The following ATP13A3 variants were observed in gnomAD, a reference collection of about 807,000 sequenced individuals.
ATP13A3 encodes ATPase 13A3, also known as polyamine-transporting ATPase 13A3.
Under a neutral mutation model 158.1 loss-of-function variants are expected in ATP13A3, and 59 were observed. That is an observed-to-expected ratio of 0.37 (90% CI 0.30 to 0.46). The LOEUF is 0.46. ATP13A3 is among the 20% of genes least tolerant of loss of function. The pLI, the probability that ATP13A3 is intolerant of heterozygous loss-of-function variation, is 1.00. For synonymous variants in ATP13A3, 491 were observed against 504.3 expected (o/e 0.97, Z 0.35); for missense variants, 1,166 against 1,525.2 (o/e 0.76, Z 3.92).
At chr3:194,417,954 C>CGGAAGGAAGGAAGGAAGGAAGGAA (rs1491273681) in intron 31 of ATP13A3, among the ~76,000 whole-genome samples, 120 of 77,922 alleles carry the variant, frequency 1.5e-3, no homozygotes, top group African/African-American at 7.7e-3. Flanking sequence ...GACAGACGGA[C>CGGAAGGAAGGAAGGAAGGAAGGAA]GGACGGAAGG....
At chr3:194,450,333 T>C in intron 10 of ATP13A3, 57 bp from the exon 11 acceptor site, 1 of 1,515,102 alleles carries the variant, frequency 6.6e-7, no homozygotes, top group Non-Finnish European at 9.1e-7. Flanking sequence ...CTTGGAAAAA[T>C]ACAGCAAATG....
chr3:194,429,565 C>A, intron 27 of ATP13A3, 113 bp downstream of exon 27: 1 of 659,588 alleles, frequency 1.5e-6, no homozygotes, highest in South Asian at 2.9e-5. Context: ...TTTATAGGTA[C>A]TACTCACAGA....
chr3:194,459,591 A>T, intron 5 of ATP13A3, 50 bp from the exon 6 acceptor site: 2 of 1,441,026 alleles, frequency 1.4e-6, no homozygotes, highest in Non-Finnish European at 1.9e-6. Flanking sequence ...ATCACTTGTG[A>T]TATGTAATCT....
In ATP13A3 at chr3:194,468,494, T is replaced by A. The variant is rs188366999; in HGVS notation, c.-46-6258A>T. ...TGAAAGTTTACTTATTTTTTCACAT[T>A]ATGTAATTACTACAAACAATTAAAG... On this transcript the variant is annotated intron_variant, in intron 2 of 33. Coordinates refer to ENST00000645319, the MANE Select transcript of ATP13A3 (RefSeq NM_001367549.1). Among the ~76,000 whole-genome samples the A allele has an allele frequency of 7.2e-5, 11 of 152,292 alleles. No homozygotes were observed. In the East Asian group the frequency reaches 2.1e-3, roughly 29 times the overall value.
chr3:194,451,149 A>G (rs1718778351), intron 10 of ATP13A3: 1 of 152,178 alleles, frequency 6.6e-6, no homozygotes, highest in Non-Finnish European at 1.5e-5. Context: ...TGTAAGACAA[A>G]CACTCTTTCT....
intron 2 of ATP13A3, among the ~76,000 whole-genome samples, chr3:194,481,981 A>G (rs1235275751): frequency 1.3e-5 from 2 of 152,228 alleles, no homozygotes; most frequent in Non-Finnish European, 2.9e-5. Context: ...AGGTTCCAAT[A>G]TGACCCTGTG....
intron 8 of ATP13A3, among the ~76,000 whole-genome samples, chr3:194,455,686 T>C (rs964488059): frequency 1.3e-5 from 2 of 152,182 alleles, no homozygotes; most frequent in African/African-American, 4.8e-5. Flanking sequence ...CAACAGGTAA[T>C]AAAAGCAAAA....
intron 30 of ATP13A3, among the ~76,000 whole-genome samples, chr3:194,422,609 G>C (rs893735212): frequency 2.0e-5 from 3 of 152,076 alleles, no homozygotes; most frequent in Non-Finnish European, 4.4e-5. Context: ...AAGTTATTAT[G>C]AAATATTTTT....
intron 30 of ATP13A3, among the ~76,000 whole-genome samples, chr3:194,421,126 A>AGTTTATATATATATAC (rs376603688): frequency 1.6e-5 from 1 of 60,760 alleles, no homozygotes; most frequent in Non-Finnish European, 2.5e-5. Context: ...ATATATATAT[A>AGTTTATATATATATAC]TATATATATA....
chr3:194,432,928 G>GA (rs549690914), intron 21 of ATP13A3, among the ~76,000 whole-genome samples: 7 of 146,990 alleles, frequency 4.8e-5, no homozygotes, highest in South Asian at 2.1e-4. Context: ...AGATGTACTA[G>GA]AAAAAAAAAA....
In ATP13A3 at chr3:194,448,164, G is replaced by A. The variant is rs573992189; in HGVS notation, c.1151-155C>T. ...GTGATCTCGACTCACTGCAAGCTCC[G>A]CCTCCTGGGTTCACGCCATTCTCCT... On this transcript the variant is annotated intron_variant, in intron 12 of 33. Coordinates refer to ENST00000645319, the MANE Select transcript of ATP13A3 (RefSeq NM_001367549.1). This position sits in a 1 kb window ranked among gnomAD's most constrained non-coding sequence, Gnocchi z 4.0. 6.0e-5 allele frequency among the ~76,000 whole-genome samples: 9 copies of A among 151,002 alleles called. No homozygotes were observed. Among genetic ancestry groups the A allele is most frequent in the South Asian group, 2.1e-4 (1 of 4,760 alleles).
At chr3:194,411,394 A>G (rs1280840560) in intron 33 of ATP13A3, among the ~76,000 whole-genome samples, 3 of 152,210 alleles carry the variant, frequency 2.0e-5, no homozygotes. Flanking sequence ...TAAGGCAATG[A>G]AGGGGTGAGA....
intron 6 of ATP13A3, among the ~76,000 whole-genome samples, chr3:194,458,544 C>G (rs1417651222): frequency 2.6e-5 from 4 of 152,066 alleles, no homozygotes; most frequent in African/African-American, 4.8e-5. Flanking sequence ...CATCCATCAC[C>G]AGGCTAATTT....
At chr3:194,428,172 G>T (rs1175070510) in intron 28 of ATP13A3, among the ~76,000 whole-genome samples, 2 of 145,398 alleles carry the variant, frequency 1.4e-5, no homozygotes, top group East Asian at 4.0e-4. Context: ...AGTGAGCTGA[G>T]ATCGTGCCAC....
intron 9 of ATP13A3, 102 bp downstream of exon 9, chr3:194,454,156 T>C: frequency 3.5e-6 from 4 of 1,155,508 alleles, no homozygotes; most frequent in Non-Finnish European, 4.9e-6. Context: ...AAATAATGAC[T>C]GCATTGAGAA....
Position 194,413,851 on chromosome 3 carries a change from A to T in ATP13A3, c.3403-12T>A. ...GGTACACACACTATCTGTAATGCAA[A>T]AACATTTTAAAGTTAAAATTGTTGT... On this transcript the variant is annotated splice_polypyrimidine_tract_variant and intron_variant, in intron 31 of 33. Transcript: ENST00000645319. The T allele has an allele frequency of 6.2e-7, 1 of 1,606,164 alleles. No homozygotes were observed.
Position 194,447,147 on chromosome 3 carries a change from C to T in ATP13A3, c.1309-32G>A, listed in dbSNP as rs564207400. On this transcript the variant is annotated intron_variant, in intron 13 of 33. Transcript: ENST00000645319. ...TTAACACAAAAATAAATGTCAAATCCCCAGTATTATTTACGGATTTAATAT... is the reference window on the plus strand; with the variant it reads ...TTAACACAAAAATAAATGTCAAATCTCCAGTATTATTTACGGATTTAATAT... 18 of 1,547,076 alleles carry T rather than the reference C, an allele frequency of 1.2e-5. No homozygotes were observed. The South Asian group carries it at 1.8e-4, about 15-fold the overall frequency.
At chr3:194,409,913 C>T (rs1715231936) in intron 33 of ATP13A3, among the ~76,000 whole-genome samples, 1 of 151,704 alleles carries the variant, frequency 6.6e-6, no homozygotes, top group Non-Finnish European at 1.5e-5. Context: ...ACAGAAGTAG[C>T]AGAGAATGAA....
At chr3:194,453,883 T>C in intron 9 of ATP13A3, 105 bp from the exon 10 acceptor site, 1 of 779,670 alleles carries the variant, frequency 1.3e-6, no homozygotes, top group Non-Finnish European at 2.1e-6. Context: ...TGCATATCAC[T>C]CCATCTTTAT....
Sources: allele counts gnomAD v4.1 joint callset (sites outside exome capture counted in the v4.1 genomes callset), GRCh38; gene constraint gnomAD v4.1.1; non-coding constraint Gnocchi (gnomAD v3.1); transcripts MANE v1.5; gene names NCBI Gene and HGNC (gene_info 2026-07-23, HGNC 2026-07-21).